Variants in LRMDA observed in about 807,000 individuals in gnomAD.
LRMDA encodes leucine-rich melanocyte differentiation-associated protein.
In LRMDA, 18 loss-of-function variants were observed where a neutral mutation model predicts 29.8. The ratio of observed to expected loss-of-function variants is 0.60; its 90% confidence interval spans 0.42 to 0.90. LRMDA has a LOEUF of 0.90. Among genes scored for constraint, LRMDA ranks in the 40% least tolerant of loss-of-function variants. The pLI is 0.00. For synonymous variants in LRMDA, 125 were observed against 109.4 expected, an observed-to-expected ratio of 1.14 and a Z score of -0.89; for missense variants, 273 against 273.9, an observed-to-expected ratio of 1.00 and a Z score of 0.02.
intron 2 of LRMDA, among the ~76,000 whole-genome samples, chr10:75,447,710 C>T (rs1183956332): frequency 6.6e-6 from 1 of 152,130 alleles, no homozygotes; most frequent in Non-Finnish European, 1.5e-5. Flanking sequence ...GCCTGGGGAA[C>T]ATAGCAAGAC....
intron 6 of LRMDA, among the ~76,000 whole-genome samples, chr10:76,506,392 C>T (rs951772715): frequency 2.4e-4 from 36 of 152,144 alleles, no homozygotes; most frequent in Admixed American, 2.2e-3. Flanking sequence ...TATACACCAG[C>T]TCCATTCATA....
intron 4 of LRMDA, among the ~76,000 whole-genome samples, chr10:76,051,270 G>A (rs576172377): frequency 1.1e-3 from 170 of 152,360 alleles, no homozygotes; most frequent in Non-Finnish European, 1.7e-3. Context: ...CAAAGGTCAC[G>A]ACCCAGAGAT....
chr10:75,698,032 C>T (rs982828188), intron 2 of LRMDA, among the ~76,000 whole-genome samples: 4 of 152,162 alleles, frequency 2.6e-5, no homozygotes, highest in Non-Finnish European at 5.9e-5. Context: ...TATTATCCCC[C>T]TTTTGAAAAT....
intron 5 of LRMDA, among the ~76,000 whole-genome samples, chr10:76,231,573 TC>T (rs768997328): frequency 3.9e-5 from 6 of 152,224 alleles, no homozygotes; most frequent in Non-Finnish European, 5.9e-5. Flanking sequence ...TCATACCTCA[TC>T]GATGTTTTTC....
chr10:75,796,762 G>A (rs1309762360), intron 2 of LRMDA, among the ~76,000 whole-genome samples: 2 of 152,150 alleles, frequency 1.3e-5, no homozygotes, highest in Non-Finnish European at 1.5e-5. Flanking sequence ...TAGTAGAGAT[G>A]GGGTTTCGCC....
chr10:76,467,376 C>G lies in LRMDA; in HGVS notation c.602-89833C>G, dbSNP rs565509294. On this transcript the variant is annotated intron_variant, in intron 6 of 6. Coordinates refer to ENST00000611255, the MANE Select transcript of LRMDA (RefSeq NM_001305581.2). ...GTGAGGGGACAGTTAACAGTAGCAT[C>G]TGCCCCAGCTGGTGGAAACGCCATG... Among the ~76,000 whole-genome samples, 8 of 152,334 alleles carry G rather than the reference C, an allele frequency of 5.3e-5. No individual in the cohort carries two copies. In the South Asian group the frequency reaches 1.2e-3, roughly 24 times the overall value.
chr10:76,418,521 T>G (rs2132517575), intron 6 of LRMDA, among the ~76,000 whole-genome samples: 1 of 152,176 alleles, frequency 6.6e-6, no homozygotes, highest in South Asian at 2.1e-4. Context: ...TAAATTCACT[T>G]ATTTATTCTA....
At chr10:76,356,177 G>A (rs1445367717) in intron 6 of LRMDA, among the ~76,000 whole-genome samples, 2 of 152,216 alleles carry the variant, frequency 1.3e-5, no homozygotes, top group Non-Finnish European at 2.9e-5. Flanking sequence ...AGAAAACAAT[G>A]TCAGGATGAT....
At chr10:75,673,271 A>G (rs1377931982) in intron 2 of LRMDA, among the ~76,000 whole-genome samples, 1 of 152,200 alleles carries the variant, frequency 6.6e-6, no homozygotes, top group African/African-American at 2.4e-5. Flanking sequence ...TTATCCACCT[A>G]AAATGCGAAG....
intron 2 of LRMDA, among the ~76,000 whole-genome samples, chr10:75,853,353 G>A (rs1038367968): frequency 6.6e-6 from 1 of 152,076 alleles, no homozygotes; most frequent in Non-Finnish European, 1.5e-5. Flanking sequence ...TGGATTGTAA[G>A]AAGCACATTC....
At chr10:76,005,057 A>G (rs1847626713) in intron 2 of LRMDA, among the ~76,000 whole-genome samples, 1 of 152,134 alleles carries the variant, frequency 6.6e-6, no homozygotes, top group African/African-American at 2.4e-5. Context: ...GTGTCTATCA[A>G]TAAATGGATA....
At chr10:76,147,759 C>T (rs893099168) in intron 5 of LRMDA, among the ~76,000 whole-genome samples, 2 of 152,198 alleles carry the variant, frequency 1.3e-5, no homozygotes, top group East Asian at 3.9e-4. Flanking sequence ...AGGAGAGGCA[C>T]TCTGCTTTTT....
chr10:75,925,573 A>C (rs1846106777), intron 2 of LRMDA, among the ~76,000 whole-genome samples: 1 of 69,990 alleles, frequency 1.4e-5, no homozygotes, highest in Non-Finnish European at 2.9e-5. Context: ...GCTTCTTTCC[A>C]AAGAGATAAT....
At chr10:75,647,540 G>C (rs1841538439) in intron 2 of LRMDA, 1 of 152,408 alleles carries the variant, frequency 6.6e-6, no homozygotes, top group Non-Finnish European at 1.5e-5. Context: ...AATGGGTCAT[G>C]TACATCCCAC....
chr10:76,050,662 A>C (rs539052866), intron 4 of LRMDA, among the ~76,000 whole-genome samples: 1 of 152,240 alleles, frequency 6.6e-6, no homozygotes, highest in Non-Finnish European at 1.5e-5. Flanking sequence ...ACAGCAGTGC[A>C]AGACTTGGCC....
intron 2 of LRMDA, among the ~76,000 whole-genome samples, chr10:75,551,547 T>C (rs1840150396): frequency 6.6e-6 from 1 of 151,422 alleles, no homozygotes; most frequent in South Asian, 2.1e-4. Flanking sequence ...TGTGTTCTAA[T>C]TGTTCAGCTC....
At chr10:76,468,948 T>G (rs1160473532) in intron 6 of LRMDA, among the ~76,000 whole-genome samples, 1 of 152,142 alleles carries the variant, frequency 6.6e-6, no homozygotes, top group Non-Finnish European at 1.5e-5. Context: ...AAAGGCAAAG[T>G]GCGAGGAGCT....
chr10:75,735,885 T>G (rs1240924225), intron 2 of LRMDA, among the ~76,000 whole-genome samples: 1 of 152,200 alleles, frequency 6.6e-6, no homozygotes, highest in African/African-American at 2.4e-5. Flanking sequence ...AGACACACAC[T>G]GTTACTTATA....
chr10:75,996,251 T>A (rs1847459720), intron 2 of LRMDA, among the ~76,000 whole-genome samples: 1 of 152,192 alleles, frequency 6.6e-6, no homozygotes, highest in African/African-American at 2.4e-5. Flanking sequence ...TCGGCATCCC[T>A]GGGACTCACT....
Sources: allele counts gnomAD v4.1 joint callset (sites outside exome capture counted in the v4.1 genomes callset), GRCh38; gene constraint gnomAD v4.1.1; transcripts MANE v1.5; gene names NCBI Gene and HGNC (gene_info 2026-07-23, HGNC 2026-07-21).